The following TENM4 variants were observed in gnomAD, a reference collection of about 807,000 sequenced individuals.
The protein encoded by TENM4 is teneurin-4.
Under a neutral mutation model 243.3 loss-of-function variants are expected in TENM4, and 82 were observed. That is an observed-to-expected ratio of 0.34 (90% CI 0.28 to 0.40). TENM4 has a LOEUF of 0.40. TENM4 is among the 10% of genes least tolerant of loss of function. The probability of loss-of-function intolerance (pLI) is 1.00; values close to 1 mark genes in which losing one functional copy is unlikely to be tolerated. For synonymous variants in TENM4, 1,412 were observed against 1,456.3 expected (o/e 0.97, Z 0.69); for missense variants, 3,138 against 3,673.3 (o/e 0.85, Z 3.77).
intron 1 of TENM4, among the ~76,000 whole-genome samples, chr11:79,361,739 T>C (rs1274607724): frequency 6.6e-6 from 1 of 152,030 alleles, no homozygotes; most frequent in Non-Finnish European, 1.5e-5. Context: ...AAACTGTGTG[T>C]TATAGATGGA....
intron 6 of TENM4, among the ~76,000 whole-genome samples, chr11:78,920,346 G>C (rs1256845736): frequency 6.6e-6 from 1 of 152,130 alleles, no homozygotes; most frequent in Non-Finnish European, 1.5e-5. Context: ...ATAAAGTTCT[G>C]ACTATTTCTA....
At chr11:79,235,145 C>G (rs144173644) in intron 2 of TENM4, among the ~76,000 whole-genome samples, 1,979 of 152,212 alleles carry the variant, frequency 0.013, 36 homozygotes, top group African/African-American at 0.044. Context: ...AACCCCGTCT[C>G]TACTAAAAAT....
intron 4 of TENM4, among the ~76,000 whole-genome samples, chr11:79,133,749 A>G (rs184320420): frequency 2.2e-3 from 336 of 152,320 alleles, no homozygotes; most frequent in African/African-American, 7.5e-3. Context: ...TAAAAATCAC[A>G]TGATCATTTC....
chr11:78,761,393 C>T (rs558358334), intron 18 of TENM4, among the ~76,000 whole-genome samples: 48 of 152,122 alleles, frequency 3.2e-4, no homozygotes, highest in Admixed American at 9.2e-4. Context: ...GCACCTGCCA[C>T]CACACCCAGC....
chr11:78,921,291 G>A (rs566460636), intron 6 of TENM4, among the ~76,000 whole-genome samples: 1 of 152,228 alleles, frequency 6.6e-6, no homozygotes, highest in South Asian at 2.1e-4. Context: ...GGTCTGTCAT[G>A]TGTCTGGATA....
At chr11:79,146,880 G>A (rs1263856070) in intron 4 of TENM4, among the ~76,000 whole-genome samples, 1 of 152,064 alleles carries the variant, frequency 6.6e-6, no homozygotes, top group Non-Finnish European at 1.5e-5. Context: ...CATAGCCTGT[G>A]TTTTCATTCC....
intron 9 of TENM4, among the ~76,000 whole-genome samples, chr11:78,869,188 C>T (rs544882721): frequency 6.6e-6 from 1 of 150,488 alleles, no homozygotes; most frequent in East Asian, 1.9e-4. Flanking sequence ...ACTTAGCTAA[C>T]TTATGGTACA....
chr11:78,948,949 T>C (rs1437825518), intron 6 of TENM4, among the ~76,000 whole-genome samples: 1 of 152,332 alleles, frequency 6.6e-6, no homozygotes, highest in South Asian at 2.1e-4. Flanking sequence ...GAGACGTACA[T>C]CTTACTGCGT....
intron 2 of TENM4, among the ~76,000 whole-genome samples, chr11:79,229,945 G>A (rs1320732278): frequency 6.6e-6 from 1 of 151,144 alleles, no homozygotes; most frequent in Non-Finnish European, 1.5e-5. Flanking sequence ...TCCTGCCTTA[G>A]CCTCCCAAGT....
At chr11:78,831,903 C>T (rs1294039799) in intron 12 of TENM4, among the ~76,000 whole-genome samples, 2 of 152,210 alleles carry the variant, frequency 1.3e-5, no homozygotes, top group African/African-American at 2.4e-5. Context: ...CTTCCTCATT[C>T]GAACCCCAAG....
At chr11:79,177,636 G>A (rs1474308107) in intron 3 of TENM4, among the ~76,000 whole-genome samples, 1 of 152,158 alleles carries the variant, frequency 6.6e-6, no homozygotes, top group Non-Finnish European at 1.5e-5. Context: ...AGGAGGGTAT[G>A]GTTAGGGCGG....
chr11:78,768,823 G>A (rs1299384734), intron 18 of TENM4, among the ~76,000 whole-genome samples: 1 of 152,184 alleles, frequency 6.6e-6, no homozygotes. Flanking sequence ...CTCCCCCCGA[G>A]CTGTGGGCTT....
rs1855428595 is a variant in TENM4, at chr11:78,722,895, C to A, written c.3573G>T (p.Gly1191=). 6.2e-7 allele frequency: 1 copy of A among 1,613,894 alleles called. No homozygotes were observed. The highest frequency in any genetic ancestry group is 1.1e-5 in the South Asian group (1 of 91,086). ...IQSGILHKGN[G]ENQFVSQQPP... ...GCTGCTGAGACACAAACTGGTTCTCCCCATTCCCTTTGTGCAGGATGCCTG... is the reference window on the plus strand; with the variant it reads ...GCTGCTGAGACACAAACTGGTTCTCACCATTCCCTTTGTGCAGGATGCCTG... Residue 1191 remains glycine (G), a synonymous_variant, in exon 24 of 34, where the codon GGG becomes GGT. Coordinates refer to ENST00000278550, the MANE Select transcript of TENM4 (RefSeq NM_001098816.3).
chr11:78,806,815 G>A (rs1348101122), intron 14 of TENM4, among the ~76,000 whole-genome samples: 1 of 152,226 alleles, frequency 6.6e-6, no homozygotes, highest in East Asian at 1.9e-4. Context: ...TTTTTATCTT[G>A]CAAAACTGAA....
chr11:78,996,087 G>A (rs1181987998), intron 6 of TENM4, among the ~76,000 whole-genome samples: 3 of 152,132 alleles, frequency 2.0e-5, no homozygotes, highest in Non-Finnish European at 4.4e-5. Flanking sequence ...AAAAACTAGG[G>A]GGAATGGCAG....
intron 4 of TENM4, among the ~76,000 whole-genome samples, chr11:79,128,529 C>T (rs1003783568): frequency 5.9e-5 from 9 of 152,236 alleles, no homozygotes; most frequent in African/African-American, 1.9e-4. Context: ...CTCCCCGAGC[C>T]TGCACCAGTG....
chr11:78,879,468 A>AGGTGGGGAGCGCCTCTGCCCGGCCGCC (rs1859368937), intron 9 of TENM4, among the ~76,000 whole-genome samples: 3 of 11,206 alleles, frequency 2.7e-4, no homozygotes, highest in Admixed American at 9.6e-4. Flanking sequence ...CGGCCGCCAC[A>AGGTGGGGAGCGCCTCTGCCCGGCCGCC]CCGTCTGGGA....
intron 12 of TENM4, among the ~76,000 whole-genome samples, chr11:78,852,455 T>G (rs975880704): frequency 6.6e-6 from 1 of 151,996 alleles, no homozygotes; most frequent in Non-Finnish European, 1.5e-5. Flanking sequence ...GAAGTCAAAG[T>G]GGGCGGCTCA....
At chr11:79,374,669 A>G (rs1432001699) in intron 1 of TENM4, among the ~76,000 whole-genome samples, 1 of 152,148 alleles carries the variant, frequency 6.6e-6, no homozygotes, top group African/African-American at 2.4e-5. Context: ...AATTTGTTTT[A>G]TATGAGGATC....
Sources: gnomAD v4.1 joint callset for allele counts (sites outside exome capture counted in the v4.1 genomes callset) on GRCh38, gnomAD v4.1.1 for gene constraint, MANE v1.5 for transcripts, NCBI Gene and HGNC (gene_info 2026-07-23, HGNC 2026-07-21) for gene names.